Variants in PPFIA2 observed in about 807,000 individuals in gnomAD.
The protein encoded by PPFIA2 is liprin-alpha-2.
Under a neutral mutation model 175.5 loss-of-function variants are expected in PPFIA2, and 46 were observed. That is an observed-to-expected ratio of 0.26 (90% CI 0.21 to 0.34). PPFIA2 has a LOEUF of 0.34. PPFIA2 is among the 10% of genes least tolerant of loss of function. PPFIA2 has a pLI of 1.00. For synonymous variants in PPFIA2, 568 were observed against 511.4 expected, an observed-to-expected ratio of 1.11 and a Z score of -1.49; for missense variants, 1,179 against 1,506.1, an observed-to-expected ratio of 0.78 and a Z score of 3.60.
chr12:81,286,812 T>C (rs1205133723), intron 24 of PPFIA2, among the ~76,000 whole-genome samples: 1 of 152,014 alleles, frequency 6.6e-6, no homozygotes, highest in African/African-American at 2.4e-5. Flanking sequence ...TCTTCTACTG[T>C]TTTGGAATTT....
At chr12:81,418,953 G>A in intron 7 of PPFIA2, among the ~76,000 whole-genome samples, 1 of 151,562 alleles carries the variant, frequency 6.6e-6, no homozygotes, top group Non-Finnish European at 1.5e-5. Context: ...ACAGTTGAGA[G>A]AACACAGAAA....
intron 7 of PPFIA2, among the ~76,000 whole-genome samples, chr12:81,414,041 T>C (rs1376241947): frequency 6.6e-6 from 1 of 151,758 alleles, no homozygotes; most frequent in Non-Finnish European, 1.5e-5. Flanking sequence ...AGTAACCTTG[T>C]AAATTTGGTA....
At chr12:81,321,983 G>T (rs1194314418) in intron 22 of PPFIA2, among the ~76,000 whole-genome samples, 1 of 152,050 alleles carries the variant, frequency 6.6e-6, no homozygotes, top group Non-Finnish European at 1.5e-5. Context: ...ACATGCACAT[G>T]CCATCATGTC....
Position 81,374,786 on chromosome 12 carries a change from G to T in PPFIA2, c.1132-18C>A. On this transcript the variant is annotated intron_variant, in intron 10 of 32. Transcript: ENST00000549396. ...TCTTCCATCTGAAATGGGAATGGGA[G>T]CAGAGACACTTAAAGAGTCAGAGTT... The T allele has an allele frequency of 6.2e-7, 1 of 1,606,022 alleles. No homozygotes were observed. Among genetic ancestry groups the T allele is most frequent in the Non-Finnish European group, 8.5e-7 (1 of 1,175,362 alleles).
chr12:81,596,667 T>C (rs2153451058), intron 4 of PPFIA2, among the ~76,000 whole-genome samples: 1 of 152,182 alleles, frequency 6.6e-6, no homozygotes, highest in Middle Eastern at 3.4e-3. Context: ...TAATGTCAAA[T>C]GCTACCCAAA....
chr12:81,608,476 T>C (rs1045133278), intron 4 of PPFIA2, among the ~76,000 whole-genome samples: 1 of 152,100 alleles, frequency 6.6e-6, no homozygotes, highest in Non-Finnish European at 1.5e-5. Context: ...TCAGAACTTG[T>C]TATGGGTCTT....
At chr12:81,356,038 A>G (rs1051708793) in intron 16 of PPFIA2, among the ~76,000 whole-genome samples, 5 of 152,176 alleles carry the variant, frequency 3.3e-5, no homozygotes, top group African/African-American at 7.2e-5. Context: ...AGCTTTTGAC[A>G]TGTCTTTCTC....
At chr12:81,647,077 C>A (rs79097273) in intron 4 of PPFIA2, among the ~76,000 whole-genome samples, 1 of 150,086 alleles carries the variant, frequency 6.7e-6, no homozygotes, top group East Asian at 2.0e-4. Context: ...GGGGGGGGAG[C>A]GTGTATAAAC....
chr12:81,703,819 T>A (rs1189229754), intron 3 of PPFIA2, among the ~76,000 whole-genome samples: 2 of 152,126 alleles, frequency 1.3e-5, no homozygotes, highest in Non-Finnish European at 2.9e-5. Flanking sequence ...CATATGATAC[T>A]CTTTCTCTCT....
intron 7 of PPFIA2, among the ~76,000 whole-genome samples, chr12:81,416,674 T>C (rs2045329894): frequency 6.6e-6 from 1 of 151,712 alleles, no homozygotes; most frequent in South Asian, 2.1e-4. Context: ...TTCATACTGG[T>C]TCCTCACAAT....
At chr12:81,521,062 A>G (rs1000951919) in intron 4 of PPFIA2, among the ~76,000 whole-genome samples, 1 of 152,214 alleles carries the variant, frequency 6.6e-6, no homozygotes, top group Non-Finnish European at 1.5e-5. Flanking sequence ...AGGGAATCAT[A>G]TAATTCCAAA....
chr12:81,301,371 A>T (rs927020744), intron 22 of PPFIA2, among the ~76,000 whole-genome samples: 1 of 152,208 alleles, frequency 6.6e-6, no homozygotes, highest in Admixed American at 6.6e-5. Context: ...TTTGCTTCAC[A>T]TAGTAAAAAA....
intron 22 of PPFIA2, among the ~76,000 whole-genome samples, chr12:81,300,541 A>G (rs1024497012): frequency 6.6e-6 from 1 of 152,212 alleles, no homozygotes; most frequent in African/African-American, 2.4e-5. Context: ...TCATTAAAAA[A>G]GGTGCAAAAT....
chr12:81,617,722 T>C (rs1222385890), intron 4 of PPFIA2, among the ~76,000 whole-genome samples: 2 of 152,194 alleles, frequency 1.3e-5, no homozygotes, highest in African/African-American at 4.8e-5. Flanking sequence ...ATGGGTGTCG[T>C]TGCAGTTCAC....
chr12:81,329,313 C>A (rs1372887709), intron 21 of PPFIA2, among the ~76,000 whole-genome samples: 1 of 152,128 alleles, frequency 6.6e-6, no homozygotes, highest in Non-Finnish European at 1.5e-5. Flanking sequence ...TGTTTATCAC[C>A]TTGTCAGGGT....
chr12:81,596,931 T>C (rs1007410666), intron 4 of PPFIA2, among the ~76,000 whole-genome samples: 3 of 152,106 alleles, frequency 2.0e-5, no homozygotes, highest in Non-Finnish European at 4.4e-5. Context: ...AGAGTAATTA[T>C]ATCTACTGCC....
At chr12:81,576,441 C>T (rs2073560936) in intron 4 of PPFIA2, among the ~76,000 whole-genome samples, 1 of 151,722 alleles carries the variant, frequency 6.6e-6, no homozygotes, top group South Asian at 2.1e-4. Flanking sequence ...TGATTTTTAA[C>T]ATATGTGATT....
chr12:81,631,420 T>C (rs2153498665), intron 4 of PPFIA2, among the ~76,000 whole-genome samples: 1 of 152,238 alleles, frequency 6.6e-6, no homozygotes, highest in East Asian at 1.9e-4. Flanking sequence ...TGAAAATTAA[T>C]TTTTTTGAGC....
chr12:81,618,299 T>C (rs983048569), intron 4 of PPFIA2, among the ~76,000 whole-genome samples: 3 of 151,910 alleles, frequency 2.0e-5, no homozygotes, highest in Non-Finnish European at 4.4e-5. Flanking sequence ...TGAGGAAATA[T>C]ATTTTTTTCT....
Sources: gnomAD v4.1 joint callset for allele counts (sites outside exome capture counted in the v4.1 genomes callset) on GRCh38, gnomAD v4.1.1 for gene constraint, MANE v1.5 for transcripts, NCBI Gene and HGNC (gene_info 2026-07-23, HGNC 2026-07-21) for gene names.